Variants in RELN observed in about 807,000 individuals in gnomAD.
The protein encoded by RELN is reelin.
Under a neutral mutation model 427.6 loss-of-function variants are expected in RELN, and 108 were observed. The ratio of observed to expected loss-of-function variants is 0.25; its 90% CI spans 0.22 to 0.30. The LOEUF (loss-of-function observed/expected upper bound fraction) is 0.30, where lower values mean the gene tolerates loss of function less well. Ranked by LOEUF, RELN falls within the 10% of genes least tolerant of loss-of-function variation. The pLI is 1.00. For synonymous variants in RELN, 1,524 were observed against 1,513.4 expected, an observed-to-expected ratio of 1.01 and a Z score of -0.16; for missense variants, 3,715 against 4,302.8, an observed-to-expected ratio of 0.86 and a Z score of 3.82.
chr7:103,479,292 T>C (rs965261238), intron 63 of RELN, among the ~76,000 whole-genome samples: 1 of 152,234 alleles, frequency 6.6e-6, no homozygotes, highest in African/African-American at 2.4e-5. Flanking sequence ...GTGAGGGATC[T>C]GCCCAGTGTA....
At chr7:103,791,419 A>T (rs555486807) in intron 3 of RELN, among the ~76,000 whole-genome samples, 2 of 152,338 alleles carry the variant, frequency 1.3e-5, no homozygotes, top group East Asian at 3.9e-4. Context: ...AATAGAACAG[A>T]ATTGAGAGTC....
intron 38 of RELN, among the ~76,000 whole-genome samples, chr7:103,556,302 C>T (rs1270008808): frequency 1.3e-5 from 2 of 152,012 alleles, no homozygotes; most frequent in Admixed American, 6.6e-5. Flanking sequence ...AATGTCATTA[C>T]AACTGATGAG....
At chr7:103,919,643 C>T (rs1008828670) in intron 1 of RELN, among the ~76,000 whole-genome samples, 11 of 152,126 alleles carry the variant, frequency 7.2e-5, no homozygotes, top group South Asian at 2.1e-4. Context: ...TGACTCCACA[C>T]GCGCACCAGC....
chr7:103,746,718 C>T (rs1490915812), intron 6 of RELN, among the ~76,000 whole-genome samples: 1 of 151,414 alleles, frequency 6.6e-6, no homozygotes, highest in Admixed American at 6.6e-5. Flanking sequence ...AATGAGATAC[C>T]ATCTCACACC....
At chr7:103,632,871 T>C (rs1335029005) in intron 19 of RELN, among the ~76,000 whole-genome samples, 1 of 152,114 alleles carries the variant, frequency 6.6e-6, no homozygotes, top group Non-Finnish European at 1.5e-5. Context: ...AAGAGGAGAT[T>C]AAATATAATA....
intron 30 of RELN, among the ~76,000 whole-genome samples, chr7:103,572,568 G>C (rs189048870): frequency 6.6e-6 from 1 of 151,264 alleles, no homozygotes; most frequent in Admixed American, 6.6e-5. Flanking sequence ...ACGGAGTCTT[G>C]CTCTGTTGCC....
At chr7:103,750,443 A>T (rs622198) in intron 5 of RELN, among the ~76,000 whole-genome samples, 114,401 of 152,132 alleles carry the variant, frequency 0.75, 43,828 homozygotes, top group African/African-American at 0.91. Flanking sequence ...CTTTCTTTTA[A>T]AAATAACCCA....
intron 1 of RELN, among the ~76,000 whole-genome samples, chr7:103,961,887 T>C (rs1796563212): frequency 6.6e-6 from 1 of 152,166 alleles, no homozygotes; most frequent in Non-Finnish European, 1.5e-5. Context: ...TAGGAGTAGC[T>C]TTTAAATTCA....
chr7:103,955,620 G>A (rs1427701801), intron 1 of RELN, among the ~76,000 whole-genome samples: 1 of 152,192 alleles, frequency 6.6e-6, no homozygotes, highest in African/African-American at 2.4e-5. Context: ...CCTATTAGAT[G>A]TAGGATAGTG....
chr7:103,736,476 C>A (rs1003578025), intron 6 of RELN, among the ~76,000 whole-genome samples: 2 of 152,018 alleles, frequency 1.3e-5, no homozygotes, highest in African/African-American at 4.8e-5. Flanking sequence ...ACTGTAAATG[C>A]GAAAATGACA....
intron 8 of RELN, among the ~76,000 whole-genome samples, chr7:103,722,461 C>T (rs1790101025): frequency 6.6e-6 from 1 of 152,134 alleles, no homozygotes; most frequent in Admixed American, 6.6e-5. Flanking sequence ...TAAAAGACAA[C>T]ATGTTTCTTC....
At position 103,944,391 on chromosome 7, in the gene RELN, C is replaced by G. The variant is rs190957924; in HGVS notation, c.227-27206G>C. Among the ~76,000 whole-genome samples, 16 of 152,194 alleles carry G rather than the reference C, an allele frequency of 1.1e-4. No individual in the cohort carries two copies. The East Asian group carries it at 2.5e-3, about 24-fold the overall frequency. On this transcript the variant is annotated intron_variant, in intron 1 of 64. Transcript: ENST00000428762. ...TTCTCCTTGGAAGACATACTGCCTT[C>G]GGTCCTTTGCCAAAGGATGGCAGAA...
chr7:103,978,255 T>C (rs1232855481), intron 1 of RELN, among the ~76,000 whole-genome samples: 1 of 145,748 alleles, frequency 6.9e-6, no homozygotes, highest in Non-Finnish European at 1.5e-5. Flanking sequence ...GCAACTACCA[T>C]TCTATTCTCT....
rs140884853 is a variant in RELN, at chr7:103,752,086, T to A, written c.577+1096A>T. Among the ~76,000 whole-genome samples, 14 of 152,296 alleles carry A rather than the reference T, an allele frequency of 9.2e-5. 1 individual carries two copies. Among genetic ancestry groups the A allele is most frequent in the African/African-American group, 3.4e-4 (14 of 41,556 alleles). ...ATTGGATACCTGTTTGTGTATTGAT[T>A]TACTTCCAAACACCACTATATTATT... On this transcript the variant is annotated intron_variant, in intron 5 of 64. Transcript: ENST00000428762.
intron 64 of RELN, among the ~76,000 whole-genome samples, chr7:103,474,550 A>C (rs1334138864): frequency 6.6e-6 from 1 of 152,164 alleles, no homozygotes; most frequent in African/African-American, 2.4e-5. Flanking sequence ...TGAATGACCC[A>C]AATTTATCCA....
At chr7:103,918,449 C>A (rs1037937667) in intron 1 of RELN, among the ~76,000 whole-genome samples, 1 of 152,130 alleles carries the variant, frequency 6.6e-6, no homozygotes, top group African/African-American at 2.4e-5. Flanking sequence ...CCAGGACCAT[C>A]TGATATCATC....
rs116858074 is a variant in RELN at position 103,883,101 on chromosome 7, T to C, written c.337+33974A>G. Reference sequence around the variant, plus strand: ...ATCCTATCCACCACAATCAAGTTGATTTCATCCATGGGACGCAGGGCTGGT... The same window carrying C: ...ATCCTATCCACCACAATCAAGTTGACTTCATCCATGGGACGCAGGGCTGGT... On this transcript the variant is annotated intron_variant, in intron 2 of 64. Coordinates refer to ENST00000428762, the MANE Select transcript of RELN (RefSeq NM_005045.4). Among the ~76,000 whole-genome samples the C allele has an allele frequency of 3.9e-3, 601 of 152,250 alleles. 21 individuals carry two copies. In the East Asian group the frequency reaches 0.072, roughly 18 times the overall value.
At chr7:103,903,850 G>GTT (rs113832977) in intron 2 of RELN, among the ~76,000 whole-genome samples, 23 of 150,374 alleles carry the variant, frequency 1.5e-4, no homozygotes, top group African/African-American at 3.2e-4. Flanking sequence ...TTTTGTTTTT[G>GTT]TTTTTTTTTA....
rs537784224 is a variant in RELN, at chr7:103,664,991, CTTT to C, written c.1290-3467_1290-3465del. On this transcript the variant is annotated intron_variant, in intron 11 of 64. Coordinates refer to ENST00000428762, the MANE Select transcript of RELN (RefSeq NM_005045.4). ...TCTATCTTTTCTCTATGCTTTGTGC[CTTT>C]TTTATCTGATTCTCCCTTACCCTCA... is the stretch of plus-strand genomic sequence containing the variant. Among the ~76,000 whole-genome samples, 732 of 151,884 alleles carry C rather than the reference CTTT, an allele frequency of 4.8e-3. 11 individuals are homozygous for C. The highest frequency in any genetic ancestry group is 0.034 in the East Asian group (175 of 5,160).
Sources: gnomAD v4.1 joint callset for allele counts (sites outside exome capture counted in the v4.1 genomes callset) on GRCh38, gnomAD v4.1.1 for gene constraint, MANE v1.5 for transcripts, NCBI Gene and HGNC (gene_info 2026-07-23, HGNC 2026-07-21) for gene names.